Variants in DLGAP1 observed in about 807,000 individuals in gnomAD.
DLGAP1 encodes DLG associated protein 1, also known as disks large-associated protein 1.
Under a neutral mutation model 90.8 loss-of-function variants are expected in DLGAP1, and 11 were observed. The observed-to-expected ratio is 0.12, with a 90% CI of 0.08 to 0.20. The LOEUF is 0.20. DLGAP1 is among the 10% of genes least tolerant of loss of function. DLGAP1 has a pLI of 1.00. For synonymous variants in DLGAP1, 558 were observed against 540.7 expected, an observed-to-expected ratio of 1.03 and a Z score of -0.44; for missense variants, 1,050 against 1,333.8, an observed-to-expected ratio of 0.79 and a Z score of 3.31.
chr18:3,982,836 G>A (rs2073762907), intron 3 of DLGAP1, among the ~76,000 whole-genome samples: 1 of 152,088 alleles, frequency 6.6e-6, no homozygotes, highest in East Asian at 1.9e-4. Flanking sequence ...GTGATGGAAT[G>A]GTGGAAAATC....
intron 7 of DLGAP1, among the ~76,000 whole-genome samples, chr18:3,583,383 TTCC>T (rs1000705328): frequency 1.3e-5 from 2 of 151,904 alleles, no homozygotes; most frequent in African/African-American, 4.8e-5. Flanking sequence ...GTCTTTCCCC[TTCC>T]TCCTCCTCTC....
rs752259540 is a variant in DLGAP1 at position 3,729,127 on chromosome 18, G to T, written c.1591+8C>A. 1.3e-5 allele frequency: 21 copies of T among 1,599,548 alleles called. No homozygotes were observed. Among genetic ancestry groups the T allele is most frequent in the Non-Finnish European group, 1.8e-5 (21 of 1,171,682 alleles). ...GGGGCCAGGCTGGCTGAGGGCCCGC[G>T]CACTCACCCGTGCTGCTCTGGATGG... On this transcript the variant is annotated splice_region_variant and intron_variant, in intron 7 of 12. Transcript: ENST00000315677. This position sits in a 1 kb window ranked among gnomAD's most constrained non-coding sequence, Gnocchi z 6.2.
At chr18:4,051,695 T>C (rs2075136367) in intron 2 of DLGAP1, among the ~76,000 whole-genome samples, 1 of 152,100 alleles carries the variant, frequency 6.6e-6, no homozygotes, top group Non-Finnish European at 1.5e-5. Context: ...CTTCCAACAG[T>C]CCCTCAAGGT....
intron 1 of DLGAP1, among the ~76,000 whole-genome samples, chr18:4,258,002 TGTGTGTGTGC>T (rs1309115024): frequency 4.9e-5 from 7 of 144,164 alleles, no homozygotes; most frequent in African/African-American, 8.6e-5. Flanking sequence ...TGTGTGTGTG[TGTGTGTGTGC>T]GCGCGCGCGC....
At chr18:3,614,620 C>A (rs1157114921) in intron 7 of DLGAP1, among the ~76,000 whole-genome samples, 2 of 147,426 alleles carry the variant, frequency 1.4e-5, no homozygotes, top group Non-Finnish European at 3.0e-5. Context: ...GTGGGCGGAT[C>A]ACCTGAGGTC....
intron 1 of DLGAP1, among the ~76,000 whole-genome samples, chr18:4,389,725 A>G (rs1292581854): frequency 6.6e-6 from 1 of 152,226 alleles, no homozygotes; most frequent in African/African-American, 2.4e-5. Context: ...CACACTACCC[A>G]TTATACGCAA....
intron 1 of DLGAP1, among the ~76,000 whole-genome samples, chr18:4,204,385 C>T (rs767605843): frequency 3.3e-5 from 5 of 152,130 alleles, no homozygotes; most frequent in Non-Finnish European, 5.9e-5. Flanking sequence ...ACTCAATGGG[C>T]AGGAAGTCAT....
chr18:4,105,645 A>G (rs762653840), intron 2 of DLGAP1, among the ~76,000 whole-genome samples: 1 of 152,256 alleles, frequency 6.6e-6, no homozygotes, highest in Non-Finnish European at 1.5e-5. Flanking sequence ...ATGTATTGCT[A>G]TTTAAAGTAA....
At chr18:4,409,665 A>G (rs1598376287) in intron 1 of DLGAP1, among the ~76,000 whole-genome samples, 1 of 152,142 alleles carries the variant, frequency 6.6e-6, no homozygotes. Context: ...TTCCCTGATC[A>G]TTAGTGATGT....
intron 1 of DLGAP1, among the ~76,000 whole-genome samples, chr18:4,208,039 TATA>T (rs1309391565): frequency 1.3e-5 from 2 of 152,246 alleles, no homozygotes; most frequent in East Asian, 1.9e-4. Context: ...TCCTCATCTG[TATA>T]ATATTTTTCA....
chr18:4,015,427 G>T (rs539712848), intron 2 of DLGAP1, among the ~76,000 whole-genome samples: 1 of 152,302 alleles, frequency 6.6e-6, no homozygotes, highest in East Asian at 1.9e-4. Flanking sequence ...CACGGGCTAT[G>T]ATTTTGGTAT....
intron 2 of DLGAP1, among the ~76,000 whole-genome samples, chr18:4,131,183 G>GA (rs2076308873): frequency 6.6e-6 from 1 of 151,536 alleles, no homozygotes; most frequent in Admixed American, 6.6e-5. Flanking sequence ...TGAGCTTCAG[G>GA]AAAAAAACGT....
intron 2 of DLGAP1, among the ~76,000 whole-genome samples, chr18:4,052,391 G>A (rs2075147512): frequency 6.6e-6 from 1 of 152,114 alleles, no homozygotes; most frequent in Non-Finnish European, 1.5e-5. Flanking sequence ...CCAACACTAT[G>A]TGGATGTTGC....
At chr18:4,010,161 T>C (rs1013079556) in intron 2 of DLGAP1, among the ~76,000 whole-genome samples, 1 of 152,240 alleles carries the variant, frequency 6.6e-6, no homozygotes, top group African/African-American at 2.4e-5. Context: ...CAGATGATTC[T>C]TAATCTGATG....
chr18:3,789,615 G>C (rs372461370), intron 5 of DLGAP1, among the ~76,000 whole-genome samples: 1 of 152,194 alleles, frequency 6.6e-6, no homozygotes, highest in Non-Finnish European at 1.5e-5. Flanking sequence ...GAAAATGTCT[G>C]ATTTTTAGGA....
chr18:3,719,085 C>G (rs2061872624), intron 7 of DLGAP1, among the ~76,000 whole-genome samples: 1 of 151,980 alleles, frequency 6.6e-6, no homozygotes, highest in African/African-American at 2.4e-5. Flanking sequence ...TGATGTAACT[C>G]TTCATGTATG....
At chr18:3,799,461 A>C (rs7245152) in intron 5 of DLGAP1, among the ~76,000 whole-genome samples, 6,968 of 150,572 alleles carry the variant, frequency 0.046, 557 homozygotes, top group African/African-American at 0.16. Context: ...GGTGACCAGC[A>C]GACCCTGTTG....
chr18:3,795,532 T>A (rs1439819820), intron 5 of DLGAP1, among the ~76,000 whole-genome samples: 7 of 152,172 alleles, frequency 4.6e-5, no homozygotes, highest in Admixed American at 3.9e-4. Flanking sequence ...GCCAGGATGG[T>A]CTCGATCTCT....
chr18:4,000,302 T>C (rs1000100980), intron 3 of DLGAP1, among the ~76,000 whole-genome samples: 2 of 152,210 alleles, frequency 1.3e-5, no homozygotes, highest in Non-Finnish European at 2.9e-5. Context: ...CCCTGTTCCC[T>C]GGCATCTATT....
Sources: gnomAD v4.1 joint callset for allele counts (sites outside exome capture counted in the v4.1 genomes callset) on GRCh38, gnomAD v4.1.1 for gene constraint, Gnocchi (gnomAD v3.1) non-coding constraint, MANE v1.5 for transcripts, NCBI Gene and HGNC (gene_info 2026-07-23, HGNC 2026-07-21) for gene names.